SORCS3: variants seen among roughly 807,000 people sequenced by gnomAD.
SORCS3 encodes the protein sortilin related VPS10 domain containing receptor 3.
A neutral mutation model predicts 146.3 loss-of-function variants in SORCS3; 57 were observed. The ratio of observed to expected loss-of-function variants is 0.39; its 90% confidence interval spans 0.31 to 0.49. The LOEUF is 0.49. SORCS3 is among the 20% of genes least tolerant of loss of function. The probability of loss-of-function intolerance (pLI) is 0.92; values close to 1 mark genes in which losing one functional copy is unlikely to be tolerated. For synonymous variants in SORCS3, 653 were observed against 618.5 expected (o/e 1.06, Z -0.83); for missense variants, 1,341 against 1,575.5 (o/e 0.85, Z 2.52).
chr10:104,724,555 A>G (rs542351228), intron 1 of SORCS3, among the ~76,000 whole-genome samples: 2,066 of 152,156 alleles, frequency 0.014, 38 homozygotes, highest in African/African-American at 0.041. Flanking sequence ...CTCCTGGATA[A>G]TATCCTGCAG....
chr10:104,926,356 C>T (rs1180443729), intron 3 of SORCS3, among the ~76,000 whole-genome samples: 4 of 152,050 alleles, frequency 2.6e-5, no homozygotes, highest in Non-Finnish European at 5.9e-5. Flanking sequence ...CATAAATTAA[C>T]ATAGTTACCA....
chr10:105,162,191 G>A (rs568499749), intron 11 of SORCS3, among the ~76,000 whole-genome samples: 1 of 152,258 alleles, frequency 6.6e-6, no homozygotes, highest in South Asian at 2.1e-4. Flanking sequence ...GAGCAGAGAA[G>A]GATAGCACTG....
chr10:105,048,000 G>T (rs1001533234), intron 5 of SORCS3, among the ~76,000 whole-genome samples: 6 of 152,106 alleles, frequency 3.9e-5, no homozygotes, highest in Non-Finnish European at 7.4e-5. Context: ...TCTCACACCA[G>T]TTAGAATGGC....
At chr10:104,744,010 G>C in intron 1 of SORCS3, among the ~76,000 whole-genome samples, 1 of 152,076 alleles carries the variant, frequency 6.6e-6, no homozygotes, top group Non-Finnish European at 1.5e-5. Flanking sequence ...CATTTACCCA[G>C]TTCATCACCT....
intron 2 of SORCS3, among the ~76,000 whole-genome samples, chr10:104,905,671 A>G (rs1358952403): frequency 6.6e-6 from 1 of 152,198 alleles, no homozygotes; most frequent in Non-Finnish European, 1.5e-5. Flanking sequence ...AAAGTTAAAT[A>G]ATGGCATAAA....
chr10:104,995,684 G>A (rs559107661), intron 4 of SORCS3, among the ~76,000 whole-genome samples: 4 of 152,080 alleles, frequency 2.6e-5, no homozygotes, highest in South Asian at 2.1e-4. Flanking sequence ...CGTGATTTAC[G>A]GTGCTTTCTC....
intron 3 of SORCS3, among the ~76,000 whole-genome samples, chr10:104,929,603 C>T (rs1021216462): frequency 2.6e-5 from 4 of 152,212 alleles, no homozygotes; most frequent in Admixed American, 6.5e-5. Flanking sequence ...AAGCCCTAGA[C>T]AGCCCTCAGC....
chr10:104,997,042 A>G (rs1055144394), intron 4 of SORCS3, among the ~76,000 whole-genome samples: 12 of 152,162 alleles, frequency 7.9e-5, no homozygotes, highest in Admixed American at 7.9e-4. Flanking sequence ...CAAACAGCCC[A>G]AATAAACTTG....
At chr10:104,677,420 A>G (rs1444963868) in intron 1 of SORCS3, among the ~76,000 whole-genome samples, 1 of 152,244 alleles carries the variant, frequency 6.6e-6, no homozygotes, top group Non-Finnish European at 1.5e-5. Context: ...ACTGAAGAAG[A>G]AACAGAATAA....
chr10:105,144,523 T>C (rs1251601211), intron 8 of SORCS3, among the ~76,000 whole-genome samples: 1 of 152,182 alleles, frequency 6.6e-6, no homozygotes, highest in African/African-American at 2.4e-5. Flanking sequence ...AAGTCACAGG[T>C]TTTAGTTTTC....
intron 20 of SORCS3, among the ~76,000 whole-genome samples, chr10:105,234,408 T>C (rs1262939651): frequency 6.6e-6 from 1 of 152,064 alleles, no homozygotes; most frequent in Admixed American, 6.6e-5. Flanking sequence ...TTTGAGTGTC[T>C]GTGGTTTGGT....
In SORCS3 at chr10:104,724,617, C is replaced by A. The variant is rs1245709174; in HGVS notation, c.627+82663C>A. Among the ~76,000 whole-genome samples, 3 of 152,212 alleles carry A rather than the reference C, an allele frequency of 2.0e-5. No homozygotes were observed. In the East Asian group the frequency reaches 5.8e-4, roughly 29 times the overall value. On this transcript the variant is annotated intron_variant, in intron 1 of 26. Coordinates refer to ENST00000369701, the MANE Select transcript of SORCS3 (RefSeq NM_014978.3). ...CCCCATCACTTTCAGGTACACCAAT[C>A]AGACGTAGATTTGGTCTTTTCACAT...
At chr10:104,679,880 G>C (rs1440570881) in intron 1 of SORCS3, among the ~76,000 whole-genome samples, 1 of 152,040 alleles carries the variant, frequency 6.6e-6, no homozygotes. Context: ...AACACTTTAA[G>C]CTATTGTGTT....
At chr10:104,979,588 C>T (rs907307763) in intron 4 of SORCS3, among the ~76,000 whole-genome samples, 5 of 151,270 alleles carry the variant, frequency 3.3e-5, no homozygotes, top group Non-Finnish European at 5.9e-5. Flanking sequence ...TGTGTGCATG[C>T]GATCATGTGA....
intron 14 of SORCS3, among the ~76,000 whole-genome samples, chr10:105,189,221 C>A (rs778332364): frequency 5.3e-5 from 8 of 152,150 alleles, no homozygotes; most frequent in African/African-American, 9.7e-5. Flanking sequence ...TAGACTCTAG[C>A]GCCCTAGTAT....
rs566583187 is a variant in SORCS3 at position 104,712,806 on chromosome 10, C to A, written c.627+70852C>A. On this transcript the variant is annotated intron_variant, in intron 1 of 26. Coordinates refer to ENST00000369701, the MANE Select transcript of SORCS3 (RefSeq NM_014978.3). The stretch of plus-strand genomic sequence containing the variant: ...CCAGATGAGGACAAACTGGATAATT[C>A]AGTCAAGGAAAATTAACAAGCACCT... Among the ~76,000 whole-genome samples the A allele has an allele frequency of 2.0e-5, 3 of 152,284 alleles. No homozygotes were observed. In the South Asian group the frequency reaches 6.2e-4, roughly 32 times the overall value.
At chr10:105,006,350 C>T (rs896445830) in intron 4 of SORCS3, among the ~76,000 whole-genome samples, 1 of 152,148 alleles carries the variant, frequency 6.6e-6, no homozygotes, top group Non-Finnish European at 1.5e-5. Flanking sequence ...TTTTAAAATA[C>T]AAACAGAATC....
chr10:105,097,001 T>C (rs1014732240), intron 6 of SORCS3, among the ~76,000 whole-genome samples: 7 of 152,172 alleles, frequency 4.6e-5, no homozygotes, highest in African/African-American at 1.7e-4. Flanking sequence ...AAAAGGTCAT[T>C]TGTGGCTTTT....
intron 22 of SORCS3, among the ~76,000 whole-genome samples, chr10:105,249,183 A>G (rs995356298): frequency 6.6e-6 from 1 of 152,238 alleles, no homozygotes; most frequent in Admixed American, 6.5e-5. Flanking sequence ...CCTTACATTA[A>G]TCAAGATGGG....
Sources: allele counts gnomAD v4.1 joint callset (sites outside exome capture counted in the v4.1 genomes callset), GRCh38; gene constraint gnomAD v4.1.1; transcripts MANE v1.5; gene names NCBI Gene and HGNC (gene_info 2026-07-23, HGNC 2026-07-21).